C1QTNF9: variants seen among roughly 807,000 people sequenced by gnomAD.
C1QTNF9 encodes the protein complement C1q and tumor necrosis factor-related protein 9A.
C1QTNF9 carries 6 observed loss-of-function variants against 10.1 expected under a neutral mutation model. The ratio of observed to expected loss-of-function variants is 0.59; its 90% CI spans 0.32 to 1.17. The LOEUF is 1.17. C1QTNF9 is among the 50% of genes most tolerant of loss of function. The pLI, the probability that C1QTNF9 is intolerant of heterozygous loss-of-function variation, is 0.04. For missense variants in C1QTNF9, 201 were observed against 418.8 expected (o/e 0.48, Z 4.54); for synonymous variants, 98 against 163.5 (o/e 0.60, Z 3.06).
Position 24,316,155 on chromosome 13 carries a change from A to G in C1QTNF9, c.152A>G (p.Asp51Gly), listed in dbSNP as rs144768143. The G allele has an allele frequency of 1.8e-4, 290 of 1,604,462 alleles. 5 individuals carry two copies. The African/African-American group carries it at 3.3e-3, about 18-fold the overall frequency. ...GATGGACGAGACGGAGCGAAGGGTG[A>G]CAAAGGCGATGCAGGTACTCACCTG... The change falls in exon 2 of 4, where the codon GAC becomes GGC. Residue 51 changes from aspartate to glycine, a missense_variant. Transcript: ENST00000332018.
At chr13:24,315,296 A>T (rs1475011875) in intron 1 of C1QTNF9, among the ~76,000 whole-genome samples, 1 of 152,188 alleles carries the variant, frequency 6.6e-6, no homozygotes, top group Non-Finnish European at 1.5e-5. Flanking sequence ...AGGTGAAATT[A>T]TCCAGGTCTG....
chr13:24,311,264 G>A (rs1434709520), intron 1 of C1QTNF9, among the ~76,000 whole-genome samples: 4 of 152,220 alleles, frequency 2.6e-5, no homozygotes, highest in Non-Finnish European at 5.9e-5. Flanking sequence ...CATTTATCAA[G>A]AGATTCTTTA....
chr13:24,307,686 C>T (rs1293668577), upstream of C1QTNF9, among the ~76,000 whole-genome samples: 1 of 152,188 alleles, frequency 6.6e-6, no homozygotes, highest in East Asian at 1.9e-4. Flanking sequence ...GGGGGCGAGC[C>T]CCAGAACCCA....
chr13:24,313,361 C>G (rs1877907329), intron 1 of C1QTNF9, among the ~76,000 whole-genome samples: 1 of 152,192 alleles, frequency 6.6e-6, no homozygotes, highest in Admixed American at 6.5e-5. Context: ...AACCTGACAC[C>G]TTTATGATCT....
intron 2 of C1QTNF9, 134 bp downstream of exon 2, chr13:24,316,303 A>T (rs1878036068): frequency 1.5e-6 from 2 of 1,316,800 alleles, no homozygotes; most frequent in Admixed American, 4.3e-5. Flanking sequence ...ACCCAGCAAC[A>T]CTCACTGGAG....
intron 1 of C1QTNF9, among the ~76,000 whole-genome samples, chr13:24,312,689 A>G (rs138808463): frequency 0.03 from 4,632 of 152,070 alleles, 108 homozygotes; most frequent in Non-Finnish European, 0.04. Context: ...GTGTGCAGTG[A>G]CTCACACCTG....
chr13:24,307,675 A>AG (rs1470897553), upstream of C1QTNF9, among the ~76,000 whole-genome samples: 2 of 152,162 alleles, frequency 1.3e-5, no homozygotes, highest in African/African-American at 4.8e-5. Flanking sequence ...TAGGGTGGGG[A>AG]GGGGGCGAGC....
At chr13:24,317,871 C>G (rs1878102355) in intron 2 of C1QTNF9, among the ~76,000 whole-genome samples, 1 of 151,300 alleles carries the variant, frequency 6.6e-6, no homozygotes, top group East Asian at 1.9e-4. Flanking sequence ...GAGGGGAGCG[C>G]AGGGAGGGGC....
At chr13:24,312,024 A>G (rs1011988115) in intron 1 of C1QTNF9, among the ~76,000 whole-genome samples, 21 of 152,320 alleles carry the variant, frequency 1.4e-4, no homozygotes, top group Middle Eastern at 3.4e-3. Context: ...AGTGCAGTCT[A>G]TCATGGGCCC....
At chr13:24,315,529 A>G (rs546885438) in intron 1 of C1QTNF9, among the ~76,000 whole-genome samples, 1 of 152,256 alleles carries the variant, frequency 6.6e-6, no homozygotes, top group East Asian at 1.9e-4. Flanking sequence ...GCTTTCAATT[A>G]TTTTGTGTAG....
At chr13:24,312,004 G>A (rs141403361) in intron 1 of C1QTNF9, among the ~76,000 whole-genome samples, 12 of 152,292 alleles carry the variant, frequency 7.9e-5, no homozygotes, top group Admixed American at 2.6e-4. Context: ...GGCTGCAAGG[G>A]AGGCTAGGGA....
At chr13:24,307,380 CTG>C (rs962644231), upstream of C1QTNF9, among the ~76,000 whole-genome samples, 3 of 152,252 alleles carry the variant, frequency 2.0e-5, no homozygotes, top group Non-Finnish European at 4.4e-5. Context: ...GAACAACAGA[CTG>C]TGCCCTCTGA....
At chr13:24,319,667 C>T (rs1264020975) in intron 3 of C1QTNF9, among the ~76,000 whole-genome samples, 3 of 152,154 alleles carry the variant, frequency 2.0e-5, no homozygotes. Context: ...GAACCTTGAA[C>T]CTTGCAGTGG....
At chr13:24,321,634 G>C in exon 4 of C1QTNF9, 11 of 1,614,162 alleles carry the variant, frequency 6.8e-6, no homozygotes, top group Non-Finnish European at 8.5e-6. Flanking sequence ...GGCCTCTGGC[G>C]GCATTGTCCT....
At chr13:24,320,751 A>T in intron 3 of C1QTNF9, among the ~76,000 whole-genome samples, 1 of 149,628 alleles carries the variant, frequency 6.7e-6, no homozygotes, top group Middle Eastern at 3.4e-3. Context: ...GGGTATTGCT[A>T]TGTTGGCCAG....
intron 1 of C1QTNF9, among the ~76,000 whole-genome samples, chr13:24,312,784 G>A (rs1264788206): frequency 5.9e-5 from 9 of 151,678 alleles, no homozygotes; most frequent in East Asian, 5.8e-4. Flanking sequence ...GTGAAACCCC[G>A]TCTCTACTAA....
At chr13:24,318,689 A>AG (rs2138809881) in intron 2 of C1QTNF9, 129 bp from the exon 3 acceptor site, 1 of 1,196,904 alleles carries the variant, frequency 8.4e-7, no homozygotes, top group Admixed American at 1.8e-5. Flanking sequence ...GCTTGTGTGG[A>AG]GGACAGAGTG....
At chr13:24,318,858 G>T (rs749630211) in exon 3 of C1QTNF9, 30 of 1,614,132 alleles carry the variant, frequency 1.9e-5, no homozygotes, top group Non-Finnish European at 2.5e-5. Context: ...AGGATGGGAC[G>T]AGTGGAGAGA....
At chr13:24,309,806 A>T (rs937589745) in intron 1 of C1QTNF9, among the ~76,000 whole-genome samples, 190 bp downstream of exon 1, 11 of 152,204 alleles carry the variant, frequency 7.2e-5, no homozygotes, top group African/African-American at 2.4e-4. Context: ...TAAAGAGGAG[A>T]TAAAAGCAGA....
Sources: gnomAD v4.1 joint callset for allele counts (sites outside exome capture counted in the v4.1 genomes callset) on GRCh38, gnomAD v4.1.1 for gene constraint, MANE v1.5 for transcripts, NCBI Gene and HGNC (gene_info 2026-07-23, HGNC 2026-07-21) for gene names.